Variants in POGZ observed in about 807,000 individuals in gnomAD.
POGZ encodes pogo transposable element with ZNF domain.
Under a neutral mutation model 134.6 loss-of-function variants are expected in POGZ, and 17 were observed. The observed-to-expected ratio is 0.13, with a 90% confidence interval of 0.09 to 0.19. POGZ has a LOEUF of 0.19. POGZ is among the 10% of genes least tolerant of loss of function. The probability of loss-of-function intolerance (pLI) is 1.00; values close to 1 mark genes in which losing one functional copy is unlikely to be tolerated. For synonymous variants in POGZ, 693 were observed against 657.1 expected (o/e 1.05, Z -0.84); for missense variants, 1,306 against 1,769.7 (o/e 0.74, Z 4.70).
At chr1:151,425,321 C>T (rs577436333) in intron 7 of POGZ, 21 of 324,014 alleles carry the variant, frequency 6.5e-5, no homozygotes, top group Non-Finnish European at 1.1e-4. Context: ...ATGTTTGAGG[C>T]TTCCTTTTAC....
At chr1:151,413,724 C>T (rs909234085) in intron 10 of POGZ, among the ~76,000 whole-genome samples, 4 of 151,978 alleles carry the variant, frequency 2.6e-5, no homozygotes, top group Non-Finnish European at 2.9e-5. Context: ...CTGTCTCGCA[C>T]GCTAGAGCGC....
At chr1:151,416,828 C>T (rs1003401435) in intron 10 of POGZ, among the ~76,000 whole-genome samples, 1 of 151,894 alleles carries the variant, frequency 6.6e-6, no homozygotes, top group Non-Finnish European at 1.5e-5. Context: ...GATAAGGTCT[C>T]ACTATATTCG....
At chr1:151,417,441 ACCT>A in intron 10 of POGZ, among the ~76,000 whole-genome samples, 1 of 134,250 alleles carries the variant, frequency 7.4e-6, no homozygotes, top group South Asian at 2.5e-4. Context: ...GCTTACTGCA[ACCT>A]CCGCCTCCCG....
Position 151,411,128 on chromosome 1 carries a change from TCC to T in POGZ, c.1926+495_1926+496del, listed in dbSNP as rs373288156. ...AGGGCTTAAAACCCCTTTAGTGGCT[TCC>T]CAGTGAATTCTTTTCATGGCTTAAA... On this transcript the variant is annotated intron_variant, in intron 12 of 18. Transcript: ENST00000271715. Among the ~76,000 whole-genome samples, 298 of 152,272 alleles carry T rather than the reference TCC, an allele frequency of 2.0e-3. 1 individual carries two copies. Among genetic ancestry groups the T allele is most frequent in the African/African-American group, 6.9e-3 (285 of 41,530 alleles).
intron 1 of POGZ, among the ~76,000 whole-genome samples, chr1:151,446,046 C>CTTT (rs573169016): frequency 8.1e-5 from 10 of 123,894 alleles, no homozygotes; most frequent in African/African-American, 2.4e-4. Flanking sequence ...CGTCTTTCAA[C>CTTT]TTTTTTTTTT....
chr1:151,415,295 A>G (rs539568599), intron 10 of POGZ, among the ~76,000 whole-genome samples: 1 of 152,324 alleles, frequency 6.6e-6, no homozygotes, highest in South Asian at 2.1e-4. Context: ...AAAGATTAGA[A>G]TAACCTACAT....
intron 1 of POGZ, among the ~76,000 whole-genome samples, chr1:151,449,269 T>C (rs74858156): frequency 6.6e-6 from 1 of 152,232 alleles, no homozygotes; most frequent in African/African-American, 2.4e-5. Flanking sequence ...AATAAATAAT[T>C]AAGGAATCTT....
At chr1:151,425,564 T>A (rs999743516) in intron 7 of POGZ, among the ~76,000 whole-genome samples, 1 of 152,136 alleles carries the variant, frequency 6.6e-6, no homozygotes, top group South Asian at 2.1e-4. Flanking sequence ...CTCTATGAAT[T>A]TGACTACTCT....
chr1:151,456,818 G>C (rs1662829785), intron 1 of POGZ, among the ~76,000 whole-genome samples: 1 of 152,182 alleles, frequency 6.6e-6, no homozygotes, highest in Non-Finnish European at 1.5e-5. Flanking sequence ...GGAAGAGATT[G>C]CAGTGAGCCG....
At chr1:151,436,034 G>T (rs1325445511) in intron 3 of POGZ, among the ~76,000 whole-genome samples, 1 of 146,652 alleles carries the variant, frequency 6.8e-6, no homozygotes, top group Admixed American at 7.0e-5. Flanking sequence ...TCGGCTCACT[G>T]TAACCTCCGC....
At chr1:151,411,575 T>TA (rs1343601905) in intron 12 of POGZ, 50 bp downstream of exon 12, 12 of 1,311,362 alleles carry the variant, frequency 9.2e-6, no homozygotes, top group African/African-American at 1.5e-5. Context: ...GCATCCATGT[T>TA]TAAAAAAAAA....
At position 151,427,697 on chromosome 1, in the gene POGZ, A is replaced by G. The variant is rs1214387950; in HGVS notation, c.1078+126T>C. 17 of 692,828 alleles carry G rather than the reference A, an allele frequency of 2.5e-5. No individual in the cohort carries two copies. In the East Asian group the frequency reaches 4.6e-4, roughly 19 times the overall value. 42.9% of individuals were successfully genotyped at this position (692,828 alleles called of 1,614,324 possible). A position where few individuals can be genotyped will look rare whatever the true frequency, so the allele number is the denominator to read the frequency against. On this transcript the variant is annotated intron_variant, in intron 7 of 18. Transcript: ENST00000271715. ...CTTTCTCCTTACTAAAGTTTCTGTA[A>G]GAACAAACTACAGCAGCTGTATTTT...
chr1:151,429,685 A>C lies in POGZ; in HGVS notation c.486T>G (p.Pro162=). The stretch of plus-strand genomic sequence containing the variant: ...CAACCTGATTCATTGCATTTTGTAC[A>C]GGCCGGACATTCCTTACAGGAAATC... ...TQGFPVRNVR[P]VQNAMNQVGI... The change falls in exon 5 of 19, where the codon CCT becomes CCG. Residue 162 remains proline (P), a synonymous_variant. Transcript: ENST00000271715. The C allele has an allele frequency of 1.2e-6, 2 of 1,612,550 alleles. No individual in the cohort carries two copies. Among genetic ancestry groups the C allele is most frequent in the Non-Finnish European group, 8.5e-7 (1 of 1,178,684 alleles).
At chr1:151,407,150 T>TA in intron 16 of POGZ, 85 bp downstream of exon 16, 1 of 1,230,792 alleles carries the variant, frequency 8.1e-7, no homozygotes, top group Non-Finnish European at 1.2e-6. Flanking sequence ...TTAATTCACA[T>TA]AACCACCTCT....
chr1:151,413,283 TAA>T (rs898737034), intron 10 of POGZ, among the ~76,000 whole-genome samples: 1 of 151,594 alleles, frequency 6.6e-6, no homozygotes, highest in African/African-American at 2.4e-5. Flanking sequence ...CCCAAGTAAT[TAA>T]AAAAAATTTT....
intron 1 of POGZ, among the ~76,000 whole-genome samples, chr1:151,446,881 C>T (rs375761265): frequency 2.0e-5 from 3 of 150,930 alleles, no homozygotes; most frequent in Admixed American, 6.6e-5. Context: ...GGTTCCTTTT[C>T]TGCTAATTTT....
chr1:151,426,942 T>C (rs929460454), intron 7 of POGZ: 3 of 152,142 alleles, frequency 2.0e-5, no homozygotes, highest in African/African-American at 7.2e-5. Flanking sequence ...AGACAGGGTG[T>C]CGTTCTGTTG....
intron 4 of POGZ, among the ~76,000 whole-genome samples, chr1:151,430,328 T>G (rs1658488132): frequency 6.6e-6 from 1 of 152,196 alleles, no homozygotes; most frequent in South Asian, 2.1e-4. Context: ...AGTTAACTAA[T>G]TCATCCCATG....
At chr1:151,457,019 A>T (rs1662855820) in intron 1 of POGZ, among the ~76,000 whole-genome samples, 1 of 152,258 alleles carries the variant, frequency 6.6e-6, no homozygotes, top group South Asian at 2.1e-4. Context: ...TATCAGTGAA[A>T]ACAATAAATA....
Sources: allele counts gnomAD v4.1 joint callset (sites outside exome capture counted in the v4.1 genomes callset), GRCh38; gene constraint gnomAD v4.1.1; transcripts MANE v1.5; gene names NCBI Gene and HGNC (gene_info 2026-07-23, HGNC 2026-07-21).